APP: variants seen among roughly 807,000 people sequenced by gnomAD.
The protein encoded by APP is amyloid beta precursor protein, also known as amyloid-beta precursor protein.
In APP, 31 loss-of-function variants were observed where a neutral mutation model predicts 101.4. The observed-to-expected ratio is 0.31, with a 90% CI of 0.23 to 0.41. The LOEUF is 0.41. Ranked by LOEUF, APP falls within the 10% of genes least tolerant of loss-of-function variation. APP has a pLI of 1.00. For missense variants in APP, 839 were observed against 1,003.7 expected (o/e 0.84, Z 2.22); for synonymous variants, 366 against 364.4 (o/e 1.00, Z -0.05).
At chr21:26,161,919 T>C (rs2063498834) in intron 1 of APP, among the ~76,000 whole-genome samples, 1 of 152,182 alleles carries the variant, frequency 6.6e-6, no homozygotes, top group Non-Finnish European at 1.5e-5. Context: ...TGAGGATTTT[T>C]TTTTTGAAAG....
intron 14 of APP, among the ~76,000 whole-genome samples, chr21:25,908,989 C>T (rs1029001198): frequency 2.6e-5 from 4 of 152,036 alleles, no homozygotes; most frequent in South Asian, 2.1e-4. Flanking sequence ...TGGGGCCGGG[C>T]GCCGTGGCTC....
At position 26,070,932 on chromosome 21, in the gene APP, T is replaced by C. The variant is rs17001668; in HGVS notation, c.356-17584A>G. On this transcript the variant is annotated intron_variant, in intron 3 of 17. Coordinates refer to ENST00000346798, the MANE Select transcript of APP (RefSeq NM_000484.4). ...TTATCACTACAACTTCAATCATAGA[T>C]GTAAATGGAAATTTCTGCTTCCTTT... 3.9e-3 allele frequency among the ~76,000 whole-genome samples: 599 copies of C among 152,290 alleles called. 7 individuals are homozygous for C. Among genetic ancestry groups the C allele is most frequent in the African/African-American group, 0.014 (577 of 41,552 alleles).
At chr21:25,897,988 TC>T (rs1242810670) in intron 15 of APP, 1 of 389,628 alleles carries the variant, frequency 2.6e-6, no homozygotes, top group Non-Finnish European at 4.7e-6. Flanking sequence ...AAGGATTTGT[TC>T]CTGGAATATG....
intron 8 of APP, among the ~76,000 whole-genome samples, chr21:25,993,306 T>A (rs1367423506): frequency 6.6e-6 from 1 of 151,898 alleles, no homozygotes; most frequent in Admixed American, 6.6e-5. Flanking sequence ...CCATCAAACA[T>A]AATCCTAAAG....
chr21:25,896,956 T>C (rs767459149), intron 16 of APP, among the ~76,000 whole-genome samples: 5 of 152,062 alleles, frequency 3.3e-5, no homozygotes, highest in Admixed American at 6.5e-5. Context: ...AACCAAGCAG[T>C]GTATGCATGT....
At chr21:26,143,689 C>T (rs1246597775) in intron 1 of APP, among the ~76,000 whole-genome samples, 1 of 152,214 alleles carries the variant, frequency 6.6e-6, no homozygotes, top group Non-Finnish European at 1.5e-5. Context: ...CACCCTTTGA[C>T]CAACATCGCC....
chr21:25,955,878 T>C, intron 11 of APP, 123 bp from the exon 12 acceptor site: 1 of 1,405,518 alleles, frequency 7.1e-7, no homozygotes, highest in Non-Finnish European at 1.0e-6. Flanking sequence ...AGTCACCTTT[T>C]TGCAGGTCTG....
At chr21:26,164,759 G>T (rs1039632370) in intron 1 of APP, among the ~76,000 whole-genome samples, 8 of 151,818 alleles carry the variant, frequency 5.3e-5, no homozygotes, top group African/African-American at 1.9e-4. Flanking sequence ...AGGAGGCTGA[G>T]GCAGGAGAAT....
chr21:25,880,948 C>G lies in APP; in HGVS notation c.*722G>C, dbSNP rs768025228. ...CAGCAGAGCACCCCTCCCCACCCGCCCCGTAAAAGTGCTTACAATGAACAG... is the reference window on the plus strand; with the variant it reads ...CAGCAGAGCACCCCTCCCCACCCGCGCCGTAAAAGTGCTTACAATGAACAG... On this transcript the variant is annotated 3_prime_UTR_variant, in exon 18 of 18. Transcript: ENST00000346798. 6.6e-6 allele frequency: 1 copy of G among 152,342 alleles called. No homozygotes were observed. Among genetic ancestry groups the G allele is most frequent in the African/African-American group, 2.4e-5 (1 of 41,322 alleles). The allele number at this position is 152,342 out of a possible 1,614,324, so 9.4% of individuals were successfully genotyped here. A position where few individuals can be genotyped will look rare whatever the true frequency, so the allele number is the denominator to read the frequency against.
intron 13 of APP, among the ~76,000 whole-genome samples, chr21:25,929,404 T>G (rs1480689170): frequency 6.6e-6 from 1 of 152,166 alleles, no homozygotes; most frequent in Non-Finnish European, 1.5e-5. Flanking sequence ...TTTTTAATGG[T>G]TTTATTCTTA....
At chr21:26,038,010 T>C (rs1396796178) in intron 5 of APP, among the ~76,000 whole-genome samples, 2 of 152,206 alleles carry the variant, frequency 1.3e-5, no homozygotes, top group Non-Finnish European at 2.9e-5. Context: ...TAAAAAAGTA[T>C]AGAAGTTTTA....
At chr21:26,152,242 G>A (rs1423455212) in intron 1 of APP, among the ~76,000 whole-genome samples, 1 of 126,550 alleles carries the variant, frequency 7.9e-6, no homozygotes. Context: ...CCGAGATCGC[G>A]CCACTGCACT....
intron 1 of APP, among the ~76,000 whole-genome samples, chr21:26,115,888 C>T (rs2062424645): frequency 6.6e-6 from 1 of 152,098 alleles, no homozygotes; most frequent in Non-Finnish European, 1.5e-5. Flanking sequence ...GGAAATATAA[C>T]CACTTAACTA....
intron 3 of APP, among the ~76,000 whole-genome samples, chr21:26,070,022 A>G (rs1484493182): frequency 3.3e-5 from 5 of 152,358 alleles, no homozygotes; most frequent in East Asian, 1.9e-4. Context: ...GTTAGAGCAG[A>G]GGAAAAAGAA....
intron 16 of APP, among the ~76,000 whole-genome samples, chr21:25,896,039 G>A (rs563698446): frequency 2.6e-5 from 4 of 152,196 alleles, no homozygotes; most frequent in South Asian, 2.1e-4. Context: ...CCCAGGCCCC[G>A]ACAAATGCAA....
intron 3 of APP, among the ~76,000 whole-genome samples, chr21:26,066,639 C>G (rs1158427655): frequency 6.6e-6 from 1 of 152,042 alleles, no homozygotes; most frequent in Non-Finnish European, 1.5e-5. Flanking sequence ...TTGCTGTGTC[C>G]TTTTAAAAAA....
chr21:26,074,078 C>G (rs932349961), intron 3 of APP, among the ~76,000 whole-genome samples: 2 of 151,982 alleles, frequency 1.3e-5, no homozygotes, highest in South Asian at 4.2e-4. Flanking sequence ...ACATCCAAAC[C>G]TTCAAAAAAT....
chr21:25,881,856 T>C (rs985744646), intron 17 of APP, 85 bp from the exon 18 acceptor site: 2 of 1,326,394 alleles, frequency 1.5e-6, no homozygotes, highest in Non-Finnish European at 2.1e-6. Context: ...AGATAAGGAG[T>C]ACAGTACTCT....
rs45501191 is a variant in APP at position 26,053,831 on chromosome 21, T to C, written c.356-483A>G. Among the ~76,000 whole-genome samples the C allele has an allele frequency of 5.3e-5, 8 of 152,350 alleles. No homozygotes were observed. The East Asian group carries it at 1.5e-3, about 29-fold the overall frequency. On this transcript the variant is annotated intron_variant, in intron 3 of 17. Transcript: ENST00000346798. ...AAGCAAAAAACCCAAAAGTGTATTTTATATATATGTTTACATAACACACAT... is the reference window on the plus strand; with the variant it reads ...AAGCAAAAAACCCAAAAGTGTATTTCATATATATGTTTACATAACACACAT...
Sources: gnomAD v4.1 joint callset for allele counts (sites outside exome capture counted in the v4.1 genomes callset) on GRCh38, gnomAD v4.1.1 for gene constraint, MANE v1.5 for transcripts, NCBI Gene and HGNC (gene_info 2026-07-23, HGNC 2026-07-21) for gene names.